The following CFAP44 variants were observed in gnomAD, a reference collection of about 807,000 sequenced individuals.
CFAP44 encodes cilia- and flagella-associated protein 44.
A neutral mutation model predicts 216.2 loss-of-function variants in CFAP44; 134 were observed. That is an observed-to-expected ratio of 0.62 (90% confidence interval 0.54 to 0.72). The LOEUF (loss-of-function observed/expected upper bound fraction) is 0.72, where lower values mean the gene tolerates loss of function less well. Among genes scored for constraint, CFAP44 ranks in the 30% least tolerant of loss-of-function variants. CFAP44 has a pLI of 0.00. For missense variants in CFAP44, 2,035 were observed against 2,182.1 expected (o/e 0.93, Z 1.34); for synonymous variants, 700 against 727.6 (o/e 0.96, Z 0.61).
At chr3:113,325,407 C>A (rs944484125) in intron 28 of CFAP44, among the ~76,000 whole-genome samples, 1 of 151,312 alleles carries the variant, frequency 6.6e-6, no homozygotes, top group Admixed American at 6.6e-5. Context: ...TCAAAGAAAC[C>A]GAGGTTCTAA....
At chr3:113,418,579 G>GAGGCA (rs1934717120) in intron 5 of CFAP44, among the ~76,000 whole-genome samples, 1 of 152,178 alleles carries the variant, frequency 6.6e-6, no homozygotes, top group Non-Finnish European at 1.5e-5. Flanking sequence ...ACGGACAGTG[G>GAGGCA]AGGCAAGGCC....
chr3:113,429,801 G>A (rs1433815795), intron 2 of CFAP44, among the ~76,000 whole-genome samples: 1 of 151,296 alleles, frequency 6.6e-6, no homozygotes, highest in African/African-American at 2.4e-5. Flanking sequence ...TGGCTTTTTA[G>A]CAATTCTGTG....
intron 8 of CFAP44, among the ~76,000 whole-genome samples, chr3:113,405,829 A>G (rs1161808765): frequency 2.6e-5 from 4 of 152,174 alleles, no homozygotes; most frequent in African/African-American, 9.7e-5. Flanking sequence ...TTCTTACAGT[A>G]TTGAGAATTT....
Position 113,310,680 on chromosome 3 carries a change from A to G in CFAP44, c.4517-2412T>C, listed in dbSNP as rs577369331. Among the ~76,000 whole-genome samples, 30 of 152,292 alleles carry G rather than the reference A, an allele frequency of 2.0e-4. No individual in the cohort carries two copies. The South Asian group carries it at 5.8e-3, about 29-fold the overall frequency. ...GTTGAACTGTAATCCCCAGTGTTGG[A>G]GGAGGGGCCTGTTGGGAGGTGATTG... is the stretch of plus-strand genomic sequence containing the variant. On this transcript the variant is annotated intron_variant, in intron 28 of 34. Coordinates refer to ENST00000393845, the MANE Select transcript of CFAP44 (RefSeq NM_001164496.2).
At chr3:113,303,113 G>A (rs1383386470) in intron 32 of CFAP44, among the ~76,000 whole-genome samples, 2 of 152,124 alleles carry the variant, frequency 1.3e-5, no homozygotes, top group Non-Finnish European at 2.9e-5. Context: ...TGGAGCCTGG[G>A]CAATTCTCAC....
chr3:113,317,218 GGGGGATCTCCCCA>G (rs1276739232), intron 28 of CFAP44, among the ~76,000 whole-genome samples: 1 of 152,226 alleles, frequency 6.6e-6, no homozygotes, highest in African/African-American at 2.4e-5. Context: ...TGACCTGGCA[GGGGGATCTCCCCA>G]GGGAGCAGGC....
intron 22 of CFAP44, among the ~76,000 whole-genome samples, chr3:113,346,219 C>T (rs1033433682): frequency 2.6e-5 from 4 of 151,934 alleles, no homozygotes; most frequent in South Asian, 2.1e-4. Flanking sequence ...CCAATCAGCA[C>T]TTTGTAAAAA....
chr3:113,400,503 A>C, intron 12 of CFAP44, 42 bp downstream of exon 12: 2 of 1,488,638 alleles, frequency 1.3e-6, no homozygotes, highest in Non-Finnish European at 9.0e-7. Context: ...CAAATAAAAC[A>C]AAACAAGGCC....
intron 18 of CFAP44, among the ~76,000 whole-genome samples, chr3:113,369,170 T>G (rs1416766785): frequency 6.6e-6 from 1 of 152,014 alleles, no homozygotes; most frequent in African/African-American, 2.4e-5. Flanking sequence ...CATTATTAGA[T>G]CAACGAGACA....
At chr3:113,399,025 CCCTGAGCTA>C (rs1012895747) in intron 13 of CFAP44, among the ~76,000 whole-genome samples, 1 of 152,122 alleles carries the variant, frequency 6.6e-6, no homozygotes. Flanking sequence ...GATCTTGGAG[CCCTGAGCTA>C]CCATGTAAAA....
rs1391585063 is a variant in CFAP44, at chr3:113,396,697, C to T, written c.1600G>A (p.Gly534Arg). ...ATTCGAACAACTCCATCTTCAAATC[C>T]TACAATAATTTGTGCTCCAGTGAAG... Reference protein sequence around the residue: ...VNFTGAQIIVGFEDGVVRILE... With the variant: ...VNFTGAQIIVRFEDGVVRILE... Residue 534 changes from glycine (G) to arginine (R), a missense_variant, in exon 14 of 35, where the codon GGA (glycine) becomes AGA (arginine). Coordinates refer to ENST00000393845, the MANE Select transcript of CFAP44 (RefSeq NM_001164496.2). The T allele has an allele frequency of 6.8e-6, 11 of 1,613,886 alleles. No homozygotes were observed. The highest frequency in any genetic ancestry group is 9.3e-6 in the Non-Finnish European group (11 of 1,179,920).
chr3:113,352,869 ACC>A (rs1475600942), intron 22 of CFAP44, among the ~76,000 whole-genome samples: 1 of 152,192 alleles, frequency 6.6e-6, no homozygotes, highest in Non-Finnish European at 1.5e-5. Context: ...CATTGGTAAT[ACC>A]CAGTGTTATT....
chr3:113,306,102 G>C, intron 30 of CFAP44, 99 bp downstream of exon 30: 3 of 1,352,272 alleles, frequency 2.2e-6, no homozygotes, highest in Non-Finnish European at 2.9e-6. Flanking sequence ...TTTCTTTTCT[G>C]AGAAGTCCTA....
chr3:113,401,169 T>C (rs1238211064), intron 11 of CFAP44, 71 bp downstream of exon 11: 6 of 1,377,486 alleles, frequency 4.4e-6, no homozygotes, highest in East Asian at 4.9e-5. Flanking sequence ...AGATAAAGAA[T>C]ACTTTAAAGA....
chr3:113,383,423 G>A (rs1398945678), intron 15 of CFAP44, among the ~76,000 whole-genome samples: 1 of 152,078 alleles, frequency 6.6e-6, no homozygotes, highest in Non-Finnish European at 1.5e-5. Context: ...CCATTCACAA[G>A]GGCTCCACCC....
chr3:113,399,824 A>G, intron 13 of CFAP44, 82 bp downstream of exon 13: 1 of 935,694 alleles, frequency 1.1e-6, no homozygotes, highest in Non-Finnish European at 1.5e-6. Flanking sequence ...TGAGTCAGCA[A>G]ATATCTATAT....
chr3:113,390,463 T>C (rs767326612), intron 15 of CFAP44, among the ~76,000 whole-genome samples: 1 of 152,182 alleles, frequency 6.6e-6, no homozygotes, highest in Non-Finnish European at 1.5e-5. Context: ...CTGTTACTGC[T>C]GTTATTCAAC....
intron 28 of CFAP44, among the ~76,000 whole-genome samples, chr3:113,320,607 T>C (rs2107804007): frequency 6.7e-6 from 1 of 148,776 alleles, no homozygotes; most frequent in South Asian, 2.1e-4. Flanking sequence ...TATTATTAAG[T>C]ATTAAGGAGT....
At chr3:113,305,900 CATAAATACAATTT>C (rs1248742002) in intron 30 of CFAP44, among the ~76,000 whole-genome samples, 2 of 152,046 alleles carry the variant, frequency 1.3e-5, no homozygotes, top group South Asian at 2.1e-4. Context: ...CATAATAGTT[CATAAATACAATTT>C]ATAAATACAT....
Sources: gnomAD v4.1 joint callset for allele counts (sites outside exome capture counted in the v4.1 genomes callset) on GRCh38, gnomAD v4.1.1 for gene constraint, MANE v1.5 for transcripts, NCBI Gene and HGNC (gene_info 2026-07-23, HGNC 2026-07-21) for gene names.